The following TEX9 variants were observed in gnomAD, a reference collection of about 807,000 sequenced individuals.
TEX9 encodes testis expressed 9, also known as testis-expressed protein 9.
In TEX9, 74 loss-of-function variants were observed where a neutral mutation model predicts 59.6. The ratio of observed to expected loss-of-function variants is 1.24; its 90% CI spans 1.03 to 1.51. TEX9 has a LOEUF of 1.51. Among genes scored for constraint, TEX9 ranks in the 40% most tolerant of loss-of-function variants. The pLI, the probability that TEX9 is intolerant of heterozygous loss-of-function variation, is 0.00. For synonymous variants in TEX9, 186 were observed against 152.2 expected (o/e 1.22, Z -1.64); for missense variants, 522 against 447.8 (o/e 1.17, Z -1.49).
At chr15:56,365,813 G>A in intron 2 of TEX9, 143 bp downstream of exon 2, 3 of 1,452,620 alleles carry the variant, frequency 2.1e-6, no homozygotes, top group South Asian at 1.5e-5. Context: ...TTCACCTGCC[G>A]TTTATCCTTT....
chr15:56,365,487 A>G lies in TEX9; in HGVS notation c.27+10A>G, dbSNP rs2046895406. ...AAGTCTGTGTCTCACGGTCAGTTCA[A>G]CTCCAGGCTCCTGGGGAGCGTCTGG... On this transcript the variant is annotated intron_variant, in intron 1 of 12. Transcript: ENST00000352903. The G allele has an allele frequency of 6.2e-7, 1 of 1,613,886 alleles. No homozygotes were observed. Among genetic ancestry groups the G allele is most frequent in the Non-Finnish European group, 8.5e-7 (1 of 1,179,972 alleles).
chr15:56,348,406 C>A (rs573373018), intron 1 of TEX9, among the ~76,000 whole-genome samples: 1 of 152,014 alleles, frequency 6.6e-6, no homozygotes, highest in African/African-American at 2.4e-5. Context: ...TGAAGAACTT[C>A]TATAGCATTC....
chr15:56,363,399 C>T (rs1186274258), upstream of TEX9, among the ~76,000 whole-genome samples: 3 of 151,852 alleles, frequency 2.0e-5, no homozygotes, highest in Admixed American at 1.3e-4. Context: ...AAACTCTTGA[C>T]CTCTGGTGAT....
At chr15:56,400,476 G>T (rs2048714842) in intron 9 of TEX9, among the ~76,000 whole-genome samples, 1 of 152,186 alleles carries the variant, frequency 6.6e-6, no homozygotes, top group African/African-American at 2.4e-5. Context: ...CAAGAAAAAT[G>T]GGACTATGTG....
intron 1 of TEX9, among the ~76,000 whole-genome samples, chr15:56,319,811 A>C (rs1351754868): frequency 6.6e-6 from 1 of 152,186 alleles, no homozygotes; most frequent in Non-Finnish European, 1.5e-5. Context: ...TATCTTTCAG[A>C]TGGGGGGAAG....
intron 10 of TEX9, among the ~76,000 whole-genome samples, chr15:56,415,397 T>G (rs1596217882): frequency 6.6e-6 from 1 of 151,936 alleles, no homozygotes; most frequent in Non-Finnish European, 1.5e-5. Flanking sequence ...TAGTTCATCT[T>G]GAGTTGGTCT....
At chr15:56,288,494 A>T (rs569114242) in intron 1 of TEX9, among the ~76,000 whole-genome samples, 1 of 152,102 alleles carries the variant, frequency 6.6e-6, no homozygotes, top group South Asian at 2.1e-4. Flanking sequence ...TTACTGAAGG[A>T]TACGTCTACC....
At chr15:56,288,980 T>G (rs1416969373) in intron 1 of TEX9, among the ~76,000 whole-genome samples, 5 of 152,326 alleles carry the variant, frequency 3.3e-5, no homozygotes, top group African/African-American at 9.6e-5. Flanking sequence ...GTTCCCTGAT[T>G]CTTTCTTTTG....
intron 3 of TEX9, 114 bp downstream of exon 3, chr15:56,373,618 A>G: frequency 2.5e-6 from 2 of 784,504 alleles, no homozygotes. Flanking sequence ...GTTCAGTTCA[A>G]TGAATTATTA....
intron 1 of TEX9, among the ~76,000 whole-genome samples, chr15:56,312,172 T>G (rs1157237296): frequency 2.0e-5 from 3 of 148,402 alleles, no homozygotes; most frequent in East Asian, 3.9e-4. Context: ...GTCAATTTTG[T>G]CTTTTGTTGC....
chr15:56,376,584 T>C (rs973842056), intron 3 of TEX9, among the ~76,000 whole-genome samples: 2 of 152,162 alleles, frequency 1.3e-5, no homozygotes, highest in African/African-American at 2.4e-5. Context: ...GATCTTTTGC[T>C]CATTTTTAAA....
chr15:56,420,168 G>A (rs941678591), intron 10 of TEX9, among the ~76,000 whole-genome samples: 2 of 151,506 alleles, frequency 1.3e-5, no homozygotes, highest in Admixed American at 6.6e-5. Flanking sequence ...TACTTTTTCT[G>A]ATCAGTCTTA....
At chr15:56,247,740 T>C (rs1222738608) in intron 1 of TEX9, among the ~76,000 whole-genome samples, 3 of 152,238 alleles carry the variant, frequency 2.0e-5, no homozygotes, top group Non-Finnish European at 4.4e-5. Flanking sequence ...GATTAAGTGC[T>C]GAAAGTATAC....
intron 1 of TEX9, among the ~76,000 whole-genome samples, chr15:56,268,793 T>C (rs1020021841): frequency 6.6e-6 from 1 of 152,142 alleles, no homozygotes; most frequent in Non-Finnish European, 1.5e-5. Context: ...TCTCTTTTTT[T>C]GTTATGTCTC....
chr15:56,273,902 C>A (rs1596058468), intron 1 of TEX9, among the ~76,000 whole-genome samples: 1 of 152,066 alleles, frequency 6.6e-6, no homozygotes, highest in East Asian at 1.9e-4. Flanking sequence ...TATAATGTAT[C>A]CAGGTGGTTT....
intron 1 of TEX9, among the ~76,000 whole-genome samples, chr15:56,354,346 A>G (rs1368020567): frequency 3.3e-5 from 5 of 152,170 alleles, no homozygotes; most frequent in African/African-American, 1.2e-4. Context: ...TGCTTTGTCA[A>G]ATAACTACCT....
At chr15:56,264,733 A>G (rs1023681581) in intron 1 of TEX9, among the ~76,000 whole-genome samples, 1 of 152,188 alleles carries the variant, frequency 6.6e-6, no homozygotes, top group East Asian at 1.9e-4. Context: ...TATAGATTCA[A>G]TATTTCATTT....
chr15:56,438,825 G>T (rs938382174), intron 12 of TEX9, among the ~76,000 whole-genome samples: 10 of 152,118 alleles, frequency 6.6e-5, no homozygotes, highest in Non-Finnish European at 1.5e-4. Flanking sequence ...CAAAAAGTGG[G>T]CGAAGGATAT....
chr15:56,354,294 G>A (rs2046643683), intron 1 of TEX9, among the ~76,000 whole-genome samples: 1 of 152,140 alleles, frequency 6.6e-6, no homozygotes, highest in East Asian at 1.9e-4. Context: ...CCCTGGAGGT[G>A]TATCTTGTAT....
Sources: gnomAD v4.1 joint callset for allele counts (sites outside exome capture counted in the v4.1 genomes callset) on GRCh38, gnomAD v4.1.1 for gene constraint, MANE v1.5 for transcripts, NCBI Gene and HGNC (gene_info 2026-07-23, HGNC 2026-07-21) for gene names.